The following BSDC1 variants were observed in gnomAD, a reference collection of about 807,000 sequenced individuals.
BSDC1 encodes the protein BSD domain-containing protein 1.
In BSDC1, 29 loss-of-function variants were observed where a neutral mutation model predicts 56.0. That is an observed-to-expected ratio of 0.52 (90% CI 0.39 to 0.71). The LOEUF (loss-of-function observed/expected upper bound fraction) is 0.71. BSDC1 is among the 30% of genes least tolerant of loss of function. The pLI is 0.00. For synonymous variants in BSDC1, 210 were observed against 215.3 expected, an observed-to-expected ratio of 0.98 and a Z score of 0.21; for missense variants, 477 against 548.5, an observed-to-expected ratio of 0.87 and a Z score of 1.30.
chr1:32,367,434 G>A (rs1641892689), intron 10 of BSDC1: 1 of 985,432 alleles, frequency 1.0e-6, no homozygotes, highest in South Asian at 4.7e-5. Flanking sequence ...TCCTGAGTAG[G>A]TAAAATACTC....
In BSDC1 at chr1:32,387,240, CAT is replaced by C. The variant is rs1642703578; in HGVS notation, c.73-347_73-346del. On this transcript the variant is annotated intron_variant, in intron 2 of 10. Coordinates refer to ENST00000455895, the MANE Select transcript of BSDC1 (RefSeq NM_018045.8). ...CAAGAGCAAACAGGAAAAGAGGGGG[CAT>C]AGTCTGAAAACAATACTGACTTTGA... is the stretch of plus-strand genomic sequence containing the variant. 2.6e-5 allele frequency among the ~76,000 whole-genome samples: 4 copies of C among 151,956 alleles called. No homozygotes were observed. In the South Asian group the frequency reaches 8.3e-4, roughly 32 times the overall value.
intron 9 of BSDC1, among the ~76,000 whole-genome samples, chr1:32,372,625 G>A (rs559926390): frequency 3.3e-5 from 5 of 152,310 alleles, no homozygotes; most frequent in African/African-American, 1.2e-4. Flanking sequence ...GTCCTACCCT[G>A]TCACACAAGG....
chr1:32,365,723 G>C lies in BSDC1; in HGVS notation c.*899C>G, dbSNP rs1387520022. On this transcript the variant is annotated 3_prime_UTR_variant, in exon 11 of 11. Coordinates refer to ENST00000455895, the MANE Select transcript of BSDC1 (RefSeq NM_018045.8). ...AGGCGGAGAAGCTAGGCTTACCAGAGTTGTAAGTACTCGGCTTTGATCACC... is the reference window on the plus strand; with the variant it reads ...AGGCGGAGAAGCTAGGCTTACCAGACTTGTAAGTACTCGGCTTTGATCACC... The C allele has an allele frequency of 6.5e-6, 1 of 152,674 alleles. No homozygotes were observed. The highest frequency in any genetic ancestry group is 1.5e-5 in the Non-Finnish European group (1 of 68,052). 9.5% of individuals were successfully genotyped at this position (152,674 alleles called of 1,614,324 possible). A position where few individuals can be genotyped will look rare whatever the true frequency, so the allele number is the denominator to read the frequency against.
intron 2 of BSDC1, among the ~76,000 whole-genome samples, chr1:32,391,792 G>A (rs113097677): frequency 4.6e-5 from 7 of 152,230 alleles, no homozygotes; most frequent in African/African-American, 1.7e-4. Flanking sequence ...ATACAGATAG[G>A]AAAGCACCAA....
chr1:32,385,136 G>T (rs1159752883), intron 3 of BSDC1, among the ~76,000 whole-genome samples: 1 of 152,182 alleles, frequency 6.6e-6, no homozygotes. Context: ...AGGAAAAATT[G>T]TAATATAAAA....
intron 5 of BSDC1, among the ~76,000 whole-genome samples, chr1:32,380,035 T>C (rs532668558): frequency 6.6e-6 from 1 of 152,324 alleles, no homozygotes; most frequent in Admixed American, 6.5e-5. Flanking sequence ...AATTCTCATA[T>C]TGCACAAAAA....
Position 32,368,700 on chromosome 1 carries a change from CTTT to C in BSDC1, c.1157-153_1157-151del, listed in dbSNP as rs112555694. 61 of 960,480 alleles carry C rather than the reference CTTT, an allele frequency of 6.4e-5. No individual in the cohort carries two copies. In the South Asian group the frequency reaches 9.6e-4, roughly 15 times the overall value. 59.5% of individuals were successfully genotyped at this position (960,480 alleles called of 1,614,324 possible). On this transcript the variant is annotated intron_variant, in intron 9 of 10. Transcript: ENST00000455895. ...TGTTCACTCTGGCGCACCAATCGTA[CTTT>C]TTTTTTTTGTTTTCTTAGATGGAGT...
At position 32,366,415 on chromosome 1, in the gene BSDC1, A is replaced by G; in HGVS notation, c.*207T>C. The G allele has an allele frequency of 1.4e-6, 1 of 705,564 alleles. No homozygotes were observed. The highest frequency in any genetic ancestry group is 2.6e-6 in the Non-Finnish European group (1 of 385,920). The allele number at this position is 705,564 out of a possible 1,614,324, so 43.7% of individuals were successfully genotyped here. On this transcript the variant is annotated 3_prime_UTR_variant, in exon 11 of 11. Coordinates refer to ENST00000455895, the MANE Select transcript of BSDC1 (RefSeq NM_018045.8). The stretch of plus-strand genomic sequence containing the variant: ...GGTCATCCTATTGTTGGCACAAGTC[A>G]GAGTTTCTGGCCGGGATTTAGAGAG...
rs2148102753 is a variant in BSDC1 at position 32,366,293 on chromosome 1, C to T, written c.*329G>A. On this transcript the variant is annotated 3_prime_UTR_variant, in exon 11 of 11. Coordinates refer to ENST00000455895, the MANE Select transcript of BSDC1 (RefSeq NM_018045.8). ...ACACAGGCAGAAGGGCTAGAACTATCCCTTGGGACTTCCCAGCAGGAGTCC... is the reference window on the plus strand; with the variant it reads ...ACACAGGCAGAAGGGCTAGAACTATTCCTTGGGACTTCCCAGCAGGAGTCC... 1 of 524,956 alleles carries T rather than the reference C, an allele frequency of 1.9e-6. No homozygotes were observed. The highest frequency in any genetic ancestry group is 3.7e-5 in the East Asian group (1 of 27,078). 32.5% of individuals were successfully genotyped at this position (524,956 alleles called of 1,614,324 possible).
At chr1:32,371,930 T>C (rs1642106546) in intron 9 of BSDC1, among the ~76,000 whole-genome samples, 1 of 152,140 alleles carries the variant, frequency 6.6e-6, no homozygotes, top group Admixed American at 6.5e-5. Flanking sequence ...AAAGAACCAC[T>C]GGAGAAGCGT....
intron 5 of BSDC1, among the ~76,000 whole-genome samples, chr1:32,379,937 G>A (rs892989889): frequency 1.3e-5 from 2 of 152,152 alleles, no homozygotes; most frequent in African/African-American, 2.4e-5. Flanking sequence ...TGCAAACTCT[G>A]ATCACCCCAG....
intron 2 of BSDC1, among the ~76,000 whole-genome samples, chr1:32,391,727 A>T (rs557608989): frequency 6.6e-6 from 1 of 152,278 alleles, no homozygotes; most frequent in East Asian, 1.9e-4. Flanking sequence ...CTTCAGGGCA[A>T]TGTGTTCTAA....
chr1:32,377,751 C>T (rs142530340), intron 8 of BSDC1, among the ~76,000 whole-genome samples: 127 of 152,330 alleles, frequency 8.3e-4, no homozygotes, highest in African/African-American at 2.7e-3. Flanking sequence ...GGGGAATCTA[C>T]ACCAACTGAC....
At chr1:32,377,909 C>G in intron 8 of BSDC1, 61 bp downstream of exon 8, 2 of 1,519,896 alleles carry the variant, frequency 1.3e-6, no homozygotes, top group Middle Eastern at 1.8e-4. Context: ...GAGAGCATGG[C>G]CCAGCCCAGA....
intron 2 of BSDC1, 176 bp downstream of exon 2, chr1:32,393,904 C>A: frequency 1.6e-6 from 1 of 613,178 alleles, no homozygotes; most frequent in South Asian, 2.1e-5. Flanking sequence ...TAGTATCACA[C>A]TGGTTTGCGT....
chr1:32,368,245 C>G, intron 10 of BSDC1: 1 of 1,486,090 alleles, frequency 6.7e-7, no homozygotes, highest in South Asian at 1.4e-5. Context: ...GACCCTCTAT[C>G]CACCCTGGAA....
At chr1:32,367,029 AGCAG>A in intron 10 of BSDC1, 1 of 1,020,018 alleles carries the variant, frequency 9.8e-7, no homozygotes, top group Non-Finnish European at 1.2e-6. Flanking sequence ...AGGAGGCCTG[AGCAG>A]ATACTTGGCC....
chr1:32,371,108 T>A (rs1298351844), intron 9 of BSDC1, among the ~76,000 whole-genome samples: 1 of 152,136 alleles, frequency 6.6e-6, no homozygotes. Context: ...AGAAGTAAAC[T>A]ACACAAATAG....
Position 32,366,567 on chromosome 1 carries a change from C to T in BSDC1, c.*55G>A, listed in dbSNP as rs531029919. 14 of 1,447,724 alleles carry T rather than the reference C, an allele frequency of 9.7e-6. No homozygotes were observed. Among genetic ancestry groups the T allele is most frequent in the African/African-American group, 7.0e-5 (5 of 70,994 alleles). 89.7% of individuals were successfully genotyped at this position (1,447,724 alleles called of 1,614,324 possible). A position where few individuals can be genotyped will look rare whatever the true frequency, so the allele number is the denominator to read the frequency against. On this transcript the variant is annotated 3_prime_UTR_variant, in exon 11 of 11. Coordinates refer to ENST00000455895, the MANE Select transcript of BSDC1 (RefSeq NM_018045.8). ...TCAGTCTTCCAGGGCTGGGCTGAGA[C>T]GAGCGAGGGAGGCGAGAGATGCCAT...
Sources: allele counts gnomAD v4.1 joint callset (sites outside exome capture counted in the v4.1 genomes callset), GRCh38; gene constraint gnomAD v4.1.1; transcripts MANE v1.5; gene names NCBI Gene and HGNC (gene_info 2026-07-23, HGNC 2026-07-21).